The following ANKRD30BL variants were observed in gnomAD, a reference collection of about 807,000 sequenced individuals.
ANKRD30BL encodes the protein ankyrin repeat domain 30B like.
In ANKRD30BL, 20 loss-of-function variants were observed where a neutral mutation model predicts 18.4. The ratio of observed to expected loss-of-function variants is 1.09; its 90% CI spans 0.77 to 1.58. The LOEUF (loss-of-function observed/expected upper bound fraction) is 1.58. Ranked by LOEUF, ANKRD30BL falls within the 40% of genes most tolerant of loss-of-function variation. The probability of loss-of-function intolerance (pLI) is 0.00; values close to 1 mark genes in which losing one functional copy is unlikely to be tolerated. For missense variants in ANKRD30BL, 224 were observed against 268.6 expected (o/e 0.83, Z 1.16); for synonymous variants, 72 against 100.9 (o/e 0.71, Z 1.72).
intron 1 of ANKRD30BL, among the ~76,000 whole-genome samples, chr2:132,217,279 A>T (rs1229012793): frequency 1.3e-5 from 2 of 152,102 alleles, no homozygotes; most frequent in Non-Finnish European, 2.9e-5. Flanking sequence ...TAATCTCTAG[A>T]GAGAAGTTTT....
At chr2:132,179,562 T>C (rs1163685694) in intron 1 of ANKRD30BL, among the ~76,000 whole-genome samples, 7 of 152,306 alleles carry the variant, frequency 4.6e-5, no homozygotes, top group African/African-American at 1.7e-4. Flanking sequence ...TTGCTTGCAT[T>C]ACAGGTATGA....
At chr2:132,177,295 A>T (rs1451350899) in intron 1 of ANKRD30BL, among the ~76,000 whole-genome samples, 2 of 152,096 alleles carry the variant, frequency 1.3e-5, no homozygotes, top group African/African-American at 4.8e-5. Flanking sequence ...CTTGGACTAC[A>T]AGTGTGCACC....
chr2:132,208,257 G>A (rs1396342755), intron 1 of ANKRD30BL, among the ~76,000 whole-genome samples: 4 of 152,064 alleles, frequency 2.6e-5, no homozygotes, highest in Non-Finnish European at 5.9e-5. Context: ...ATCCAAATAT[G>A]TTTTATGTTG....
At chr2:132,238,704 G>A (rs796753021) in intron 1 of ANKRD30BL, among the ~76,000 whole-genome samples, 1 of 151,850 alleles carries the variant, frequency 6.6e-6, no homozygotes, top group Non-Finnish European at 1.5e-5. Flanking sequence ...TCTTTTGATA[G>A]AGCAGTTTTG....
intron 1 of ANKRD30BL, among the ~76,000 whole-genome samples, chr2:132,215,592 G>T (rs564817693): frequency 2.1e-3 from 323 of 152,234 alleles, no homozygotes; most frequent in African/African-American, 7.3e-3. Context: ...ATCTCACAGA[G>T]TTGATCAATT....
intron 1 of ANKRD30BL, among the ~76,000 whole-genome samples, chr2:132,240,935 A>T (rs1222181465): frequency 6.6e-6 from 1 of 150,868 alleles, no homozygotes; most frequent in Non-Finnish European, 1.5e-5. Context: ...CTTTTGAAAC[A>T]CTCTTTTTGT....
chr2:132,175,893 G>A (rs11903780), intron 1 of ANKRD30BL, among the ~76,000 whole-genome samples: 1 of 36,288 alleles, frequency 2.8e-5, no homozygotes. Flanking sequence ...GGGCAAAGAG[G>A]TTGGGGCAAA....
intron 4 of ANKRD30BL, 91 bp from the exon 5 acceptor site, chr2:132,151,067 G>A (rs1687742545): frequency 2.2e-6 from 1 of 458,378 alleles, no homozygotes; most frequent in Admixed American, 4.2e-5. Context: ...GGGTATTTCA[G>A]ACAATATTAG....
intron 1 of ANKRD30BL, among the ~76,000 whole-genome samples, chr2:132,171,047 TC>T (rs1688270331): frequency 6.6e-6 from 1 of 151,416 alleles, no homozygotes; most frequent in African/African-American, 2.4e-5. Context: ...TCCCAGCTAC[TC>T]CGGAGGCTGA....
chr2:132,239,645 T>A (rs1332990046), intron 1 of ANKRD30BL, among the ~76,000 whole-genome samples: 3 of 151,764 alleles, frequency 2.0e-5, no homozygotes, highest in Non-Finnish European at 4.4e-5. Flanking sequence ...TATCTTCACA[T>A]AAAAACTAGA....
intron 1 of ANKRD30BL, among the ~76,000 whole-genome samples, chr2:132,170,041 T>C (rs1367080669): frequency 6.6e-6 from 1 of 152,188 alleles, no homozygotes; most frequent in Non-Finnish European, 1.5e-5. Context: ...GAACTGTGTA[T>C]TAATTACACA....
chr2:132,221,319 TG>T (rs1196237011), intron 1 of ANKRD30BL, among the ~76,000 whole-genome samples: 6 of 80,666 alleles, frequency 7.4e-5, no homozygotes, highest in South Asian at 8.7e-4. Context: ...AGGAGGGAGG[TG>T]GGGGGGTCAG....
intron 1 of ANKRD30BL, among the ~76,000 whole-genome samples, chr2:132,231,197 G>A (rs1306752072): frequency 6.6e-6 from 1 of 152,144 alleles, no homozygotes; most frequent in African/African-American, 2.4e-5. Flanking sequence ...AAACTTCTTT[G>A]TGATGGTTGT....
At chr2:132,181,351 G>C (rs971996240) in intron 1 of ANKRD30BL, among the ~76,000 whole-genome samples, 3 of 151,816 alleles carry the variant, frequency 2.0e-5, no homozygotes, top group Non-Finnish European at 4.4e-5. Context: ...GTGGGTGCCT[G>C]TAATCCCAGC....
chr2:132,163,665 T>A (rs1047776157), upstream of ANKRD30BL, among the ~76,000 whole-genome samples: 3 of 152,136 alleles, frequency 2.0e-5, no homozygotes, highest in African/African-American at 7.2e-5. Context: ...ACCATGTGAT[T>A]AAAGTGGGTG....
chr2:132,165,106 C>T (rs1440378118), upstream of ANKRD30BL, among the ~76,000 whole-genome samples: 1 of 152,062 alleles, frequency 6.6e-6, no homozygotes, highest in Non-Finnish European at 1.5e-5. Context: ...AACGCAAATG[C>T]ATACTATCGT....
rs555098095 is a variant in ANKRD30BL at position 132,157,426 on chromosome 2, A to G, written c.219-3T>C. 1.1e-5 allele frequency: 7 copies of G among 663,270 alleles called. No homozygotes were observed. The highest frequency in any genetic ancestry group is 7.4e-5 in the South Asian group (4 of 53,988). 41.1% of individuals were successfully genotyped at this position (663,270 alleles called of 1,614,324 possible). Reference sequence around the variant, plus strand: ...CACAGGCCCAGTATAGAGCAGTCCTACAAGAATGAGAGGCCTTTTAAGGAA... The same window carrying G: ...CACAGGCCCAGTATAGAGCAGTCCTGCAAGAATGAGAGGCCTTTTAAGGAA... On this transcript the variant is annotated splice_region_variant and splice_polypyrimidine_tract_variant and intron_variant, in intron 1 of 5. Transcript: ENST00000409867.
At chr2:132,165,378 A>G (rs1688169204), upstream of ANKRD30BL, among the ~76,000 whole-genome samples, 1 of 151,924 alleles carries the variant, frequency 6.6e-6, no homozygotes, top group African/African-American at 2.4e-5. Flanking sequence ...ATAGTTTTCA[A>G]ATAAGGTGGA....
Position 132,211,401 on chromosome 2 carries a change from T to C in ANKRD30BL, n.441+46128A>G, listed in dbSNP as rs529578588. Among the ~76,000 whole-genome samples, 3 of 152,084 alleles carry C rather than the reference T, an allele frequency of 2.0e-5. No individual in the cohort carries two copies. In the East Asian group the frequency reaches 5.8e-4, roughly 29 times the overall value. ...TGGTGGAAAAGGAAATATTTTCACG[T>C]AAAAAGTAGACAGAAGCATTCTGAG... is the stretch of plus-strand genomic sequence containing the variant. On this transcript the variant is annotated intron_variant and non_coding_transcript_variant, in intron 1 of 4. Transcript: ENST00000470729.
Sources: allele counts gnomAD v4.1 joint callset (sites outside exome capture counted in the v4.1 genomes callset), GRCh38; gene constraint gnomAD v4.1.1; transcripts MANE v1.5; gene names NCBI Gene and HGNC (gene_info 2026-07-23, HGNC 2026-07-21).